SGCZ: variants seen among roughly 807,000 people sequenced by gnomAD.
SGCZ encodes the protein zeta-sarcoglycan.
In SGCZ, 40 loss-of-function variants were observed where a neutral mutation model predicts 41.3. The ratio of observed to expected loss-of-function variants is 0.97; its 90% CI spans 0.75 to 1.26. The LOEUF is 1.26. Ranked by LOEUF, SGCZ falls within the 50% of genes most tolerant of loss-of-function variation. The probability of loss-of-function intolerance (pLI) is 0.00; values close to 1 mark genes in which losing one functional copy is unlikely to be tolerated. For missense variants in SGCZ, 552 were observed against 369.8 expected (o/e 1.49, Z -4.04); for synonymous variants, 206 against 137.5 (o/e 1.50, Z -3.49).
chr8:14,252,636 G>C (rs1799324986), intron 3 of SGCZ, among the ~76,000 whole-genome samples: 2 of 152,100 alleles, frequency 1.3e-5, no homozygotes, highest in African/African-American at 4.8e-5. Context: ...TACCTGCTAA[G>C]TCCTAGAGAT....
chr8:14,134,246 A>G (rs1205168052), intron 5 of SGCZ, among the ~76,000 whole-genome samples: 2 of 152,204 alleles, frequency 1.3e-5, no homozygotes, highest in African/African-American at 4.8e-5. Flanking sequence ...AAATTTTACA[A>G]ATTCAATAAT....
At chr8:14,604,026 A>C (rs1335933749) in intron 1 of SGCZ, among the ~76,000 whole-genome samples, 1 of 152,170 alleles carries the variant, frequency 6.6e-6, no homozygotes, top group Non-Finnish European at 1.5e-5. Flanking sequence ...TTAACAATTC[A>C]TCCCAACTAA....
chr8:14,159,084 T>A (rs1343936727), intron 5 of SGCZ, among the ~76,000 whole-genome samples: 1 of 152,160 alleles, frequency 6.6e-6, no homozygotes. Flanking sequence ...TGTATTTTTT[T>A]AATATCATGA....
rs1353745207 is a variant in SGCZ at position 14,624,573 on chromosome 8, T to A, written c.40-69647A>T. Among the ~76,000 whole-genome samples the A allele has an allele frequency of 1.2e-3, 120 of 103,952 alleles. 2 individuals are homozygous for A. Among genetic ancestry groups the A allele is most frequent in the African/African-American group, 1.7e-3 (48 of 28,934 alleles). 68.2% of individuals were successfully genotyped at this position (103,952 alleles called of 152,430 possible). On this transcript the variant is annotated intron_variant, in intron 1 of 7. Coordinates refer to ENST00000382080, the MANE Select transcript of SGCZ (RefSeq NM_139167.4). The stretch of plus-strand genomic sequence containing the variant: ...TATTATTATTTTTTTTTTTTTTTTT[T>A]TTTTTTTTTTTTTTTGAGACGGAGT...
intron 1 of SGCZ, among the ~76,000 whole-genome samples, chr8:14,758,251 G>C (rs942592602): frequency 6.6e-6 from 1 of 152,120 alleles, no homozygotes; most frequent in Non-Finnish European, 1.5e-5. Context: ...CTTCTATTAA[G>C]TTCTTCCTGG....
intron 1 of SGCZ, among the ~76,000 whole-genome samples, chr8:14,893,753 G>C (rs192142596): frequency 9.9e-5 from 15 of 152,218 alleles, no homozygotes; most frequent in Admixed American, 2.0e-4. Flanking sequence ...AAGTCACAGA[G>C]ACTCTTAAAC....
chr8:14,796,651 T>C (rs1448536484), intron 1 of SGCZ, among the ~76,000 whole-genome samples: 1 of 152,190 alleles, frequency 6.6e-6, no homozygotes, highest in African/African-American at 2.4e-5. Flanking sequence ...TCTACTTATT[T>C]TGAGAATGAA....
intron 2 of SGCZ, among the ~76,000 whole-genome samples, chr8:14,335,275 C>A (rs1416110413): frequency 6.6e-6 from 1 of 152,042 alleles, no homozygotes; most frequent in African/African-American, 2.4e-5. Flanking sequence ...CAAGGAGAAC[C>A]TTTCATGCAG....
intron 1 of SGCZ, among the ~76,000 whole-genome samples, chr8:15,202,810 G>C (rs907341411): frequency 6.6e-6 from 1 of 151,938 alleles, no homozygotes; most frequent in Non-Finnish European, 1.5e-5. Flanking sequence ...TAAATAAAAA[G>C]CTAGGTTAAG....
At chr8:14,808,351 C>T (rs1801620417) in intron 1 of SGCZ, among the ~76,000 whole-genome samples, 1 of 152,190 alleles carries the variant, frequency 6.6e-6, no homozygotes, top group African/African-American at 2.4e-5. Flanking sequence ...GGGCTAATAT[C>T]CAGAATCTAC....
chr8:14,386,312 A>C (rs1804575435), intron 2 of SGCZ, among the ~76,000 whole-genome samples: 1 of 152,140 alleles, frequency 6.6e-6, no homozygotes, highest in Non-Finnish European at 1.5e-5. Context: ...TAAAAAAAAA[A>C]AAAACATTCT....
intron 2 of SGCZ, among the ~76,000 whole-genome samples, chr8:14,409,012 T>G (rs1799289805): frequency 6.6e-6 from 1 of 151,684 alleles, no homozygotes; most frequent in African/African-American, 2.4e-5. Flanking sequence ...GTTTTTGGCC[T>G]CATTAACTAG....
At position 15,188,869 on chromosome 8, in the gene SGCZ, G is replaced by A. The variant is rs567859866; in HGVS notation, c.39+48716C>T. On this transcript the variant is annotated intron_variant, in intron 1 of 7. Coordinates refer to ENST00000382080, the MANE Select transcript of SGCZ (RefSeq NM_139167.4). ...GGAAAGGCAGAGAGGAAGGGAATCT[G>A]GAAAAGAGTGTGGGAGGAAAAAAAG... 1.6e-3 allele frequency among the ~76,000 whole-genome samples: 247 copies of A among 152,080 alleles called. 3 individuals carry two copies. Among genetic ancestry groups the A allele is most frequent in the African/African-American group, 5.7e-3 (238 of 41,468 alleles).
intron 1 of SGCZ, among the ~76,000 whole-genome samples, chr8:15,176,931 G>A (rs1800016958): frequency 6.6e-6 from 1 of 152,162 alleles, no homozygotes; most frequent in Non-Finnish European, 1.5e-5. Flanking sequence ...AACCCAGGAG[G>A]CAGAGCTTGC....
At chr8:15,007,942 T>C (rs896880050) in intron 1 of SGCZ, among the ~76,000 whole-genome samples, 1 of 152,208 alleles carries the variant, frequency 6.6e-6, no homozygotes, top group Non-Finnish European at 1.5e-5. Context: ...TCACATTTCT[T>C]TTTTAATCTA....
chr8:15,115,886 T>C (rs1007871553), intron 1 of SGCZ, among the ~76,000 whole-genome samples: 2 of 152,188 alleles, frequency 1.3e-5, no homozygotes, highest in African/African-American at 4.8e-5. Context: ...ATAAAATGAG[T>C]GCAGAAAACA....
At chr8:14,186,781 T>A (rs1347206044) in intron 4 of SGCZ, among the ~76,000 whole-genome samples, 1 of 152,144 alleles carries the variant, frequency 6.6e-6, no homozygotes, top group Non-Finnish European at 1.5e-5. Flanking sequence ...AATGTTGTGA[T>A]GAAAGTAATT....
chr8:15,080,128 C>T (rs568116481), intron 1 of SGCZ, among the ~76,000 whole-genome samples: 145 of 152,148 alleles, frequency 9.5e-4, no homozygotes, highest in Non-Finnish European at 1.2e-3. Flanking sequence ...GATTCCTGGA[C>T]GAGATATTTG....
intron 1 of SGCZ, among the ~76,000 whole-genome samples, chr8:15,142,579 C>G (rs1259376337): frequency 6.6e-6 from 1 of 151,778 alleles, no homozygotes; most frequent in African/African-American, 2.4e-5. Context: ...ATGTAAATCA[C>G]CCCCCAATTA....
Sources: gnomAD v4.1 joint callset for allele counts (sites outside exome capture counted in the v4.1 genomes callset) on GRCh38, gnomAD v4.1.1 for gene constraint, MANE v1.5 for transcripts, NCBI Gene and HGNC (gene_info 2026-07-23, HGNC 2026-07-21) for gene names.